SCHIP1: variants seen among roughly 807,000 people sequenced by gnomAD.
SCHIP1 encodes schwannomin-interacting protein 1.
Under a neutral mutation model 29.7 loss-of-function variants are expected in SCHIP1, and 8 were observed. The ratio of observed to expected loss-of-function variants is 0.27; its 90% CI spans 0.16 to 0.49. The LOEUF is 0.49. SCHIP1 is among the 20% of genes least tolerant of loss of function. The probability of loss-of-function intolerance (pLI) is 0.99; values close to 1 mark genes in which losing one functional copy is unlikely to be tolerated. For synonymous variants in SCHIP1, 76 were observed against 94.9 expected, an observed-to-expected ratio of 0.80 and a Z score of 1.16; for missense variants, 193 against 294.6, an observed-to-expected ratio of 0.66 and a Z score of 2.52.
At chr3:159,622,687 G>T in the SCHIP1 span, among the ~76,000 whole-genome samples, 1 of 152,150 alleles carries the variant, frequency 6.6e-6, no homozygotes, top group East Asian at 1.9e-4. Context: ...GGGAGGCCGA[G>T]GCGGGTGGAT....
the SCHIP1 span, among the ~76,000 whole-genome samples, chr3:159,741,578 C>T: frequency 6.6e-6 from 1 of 152,256 alleles, no homozygotes; most frequent in East Asian, 1.9e-4. Context: ...AAGCTGCCTT[C>T]ACCTTTTCTT....
chr3:159,304,858 C>T, the SCHIP1 span, among the ~76,000 whole-genome samples: 1 of 152,062 alleles, frequency 6.6e-6, no homozygotes, highest in Non-Finnish European at 1.5e-5. Flanking sequence ...TGGGTTTGAC[C>T]AAAATCTTTA....
the SCHIP1 span, among the ~76,000 whole-genome samples, chr3:159,740,771 G>GAAAAAAAAAAAAAAAAAAAAA: frequency 1.6e-4 from 17 of 104,844 alleles, no homozygotes; most frequent in East Asian, 2.9e-4. Context: ...CAAAAAAAAA[G>GAAAAAAAAAAAAAAAAAAAAA]AAAAAAAAAA....
chr3:159,582,783 T>TAC, the SCHIP1 span, among the ~76,000 whole-genome samples: 741 of 84,140 alleles, frequency 8.8e-3, 11 homozygotes, highest in African/African-American at 0.026. Flanking sequence ...CTGAAATATA[T>TAC]ATATACACAC....
At chr3:159,713,280 G>GAA in the SCHIP1 span, among the ~76,000 whole-genome samples, 2 of 139,240 alleles carry the variant, frequency 1.4e-5, no homozygotes, top group East Asian at 2.1e-4. Flanking sequence ...AAGAAAGAAA[G>GAA]AAAGAAAAAA....
the SCHIP1 span, among the ~76,000 whole-genome samples, chr3:159,588,128 CTGT>C: frequency 3.3e-5 from 5 of 152,262 alleles, no homozygotes; most frequent in East Asian, 7.7e-4. Flanking sequence ...TCTCCAGCAC[CTGT>C]TGTTTCCTTA....
chr3:159,765,831 T>G, the SCHIP1 span: 1 of 152,210 alleles, frequency 6.6e-6, no homozygotes, highest in Non-Finnish European at 1.5e-5. Context: ...TGTGAATCCC[T>G]CCTTGTTTTG....
chr3:159,371,468 G>T, the SCHIP1 span, among the ~76,000 whole-genome samples: 5 of 152,136 alleles, frequency 3.3e-5, no homozygotes, highest in Non-Finnish European at 7.4e-5. Context: ...TTATCAATTG[G>T]ATGAGACTAG....
chr3:159,562,187 C>T, the SCHIP1 span, among the ~76,000 whole-genome samples: 1 of 152,208 alleles, frequency 6.6e-6, no homozygotes, highest in Non-Finnish European at 1.5e-5. Flanking sequence ...CACGGACTAA[C>T]CACCACTATG....
At chr3:159,289,622 C>T in the SCHIP1 span, among the ~76,000 whole-genome samples, 2 of 152,148 alleles carry the variant, frequency 1.3e-5, no homozygotes, top group African/African-American at 2.4e-5. Flanking sequence ...TAATTTATCA[C>T]TCCTTAATTA....
chr3:159,400,934 G>A, the SCHIP1 span, among the ~76,000 whole-genome samples: 2 of 152,260 alleles, frequency 1.3e-5, no homozygotes, highest in Admixed American at 6.5e-5. Context: ...TTTAATCTCT[G>A]TAAAGCTCAG....
At chr3:159,427,149 A>C in the SCHIP1 span, among the ~76,000 whole-genome samples, 1 of 152,108 alleles carries the variant, frequency 6.6e-6, no homozygotes, top group Non-Finnish European at 1.5e-5. Flanking sequence ...ACAAGACAGG[A>C]TGCCCTCTCT....
At chr3:159,503,278 T>G in the SCHIP1 span, among the ~76,000 whole-genome samples, 1 of 152,214 alleles carries the variant, frequency 6.6e-6, no homozygotes, top group Non-Finnish European at 1.5e-5. Flanking sequence ...CTTTTCCTTT[T>G]CTTTGACCAA....
chr3:159,406,502 C>T, the SCHIP1 span, among the ~76,000 whole-genome samples: 18 of 152,116 alleles, frequency 1.2e-4, no homozygotes, highest in South Asian at 2.3e-3. Flanking sequence ...TTCTTAAGTA[C>T]GAAAGAAAAG....
chr3:159,318,015 C>T, the SCHIP1 span, among the ~76,000 whole-genome samples: 2 of 152,138 alleles, frequency 1.3e-5, no homozygotes, highest in Non-Finnish European at 2.9e-5. Context: ...ATTGGGCACT[C>T]AGGAGTGGCT....
At chr3:159,615,922 C>T in the SCHIP1 span, among the ~76,000 whole-genome samples, 5 of 152,190 alleles carry the variant, frequency 3.3e-5, no homozygotes, top group South Asian at 1.0e-3. Flanking sequence ...TGATGATCAG[C>T]AGTGCCTAAT....
rs906277050 is a variant in SCHIP1 at position 159,871,439 on chromosome 3, A to G, written c.149+5158A>G. ...TTCTGTCTTTCTCTAGCTCTAAAAT[A>G]TAAGCTCTAAGAGAGCAAGACTTCG... On this transcript the variant is annotated intron_variant, in intron 2 of 6. Transcript: ENST00000445224. Among the ~76,000 whole-genome samples the G allele has an allele frequency of 6.6e-5, 10 of 152,264 alleles. 1 individual carries two copies. The highest frequency in any genetic ancestry group is 2.2e-4 in the African/African-American group (9 of 41,544).
At chr3:159,868,706 G>A (rs150758025) in intron 2 of SCHIP1, among the ~76,000 whole-genome samples, 3 of 152,098 alleles carry the variant, frequency 2.0e-5, no homozygotes, top group African/African-American at 4.8e-5. Context: ...CTGATAATGG[G>A]CATTGGATTA....
At chr3:159,586,242 T>C in the SCHIP1 span, among the ~76,000 whole-genome samples, 1 of 152,138 alleles carries the variant, frequency 6.6e-6, no homozygotes, top group Non-Finnish European at 1.5e-5. Context: ...TCCTGCTGCC[T>C]TCCCCAAAAG....
Sources: gnomAD v4.1 joint callset for allele counts (sites outside exome capture counted in the v4.1 genomes callset) on GRCh38, gnomAD v4.1.1 for gene constraint, MANE v1.5 for transcripts, NCBI Gene and HGNC (gene_info 2026-07-23, HGNC 2026-07-21) for gene names.